The following RUNX2 variants were observed in gnomAD, a reference collection of about 807,000 sequenced individuals.
The protein encoded by RUNX2 is RUNX family transcription factor 2, also known as runt-related transcription factor 2.
Under a neutral mutation model 51.7 loss-of-function variants are expected in RUNX2, and 10 were observed. The ratio of observed to expected loss-of-function variants is 0.19; its 90% CI spans 0.12 to 0.33. The LOEUF (loss-of-function observed/expected upper bound fraction) is 0.33, where lower values mean the gene tolerates loss of function less well. RUNX2 is among the 10% of genes least tolerant of loss of function. The pLI, the probability that RUNX2 is intolerant of heterozygous loss-of-function variation, is 1.00. For synonymous variants in RUNX2, 276 were observed against 273.6 expected (o/e 1.01, Z -0.09); for missense variants, 562 against 691.3 (o/e 0.81, Z 2.10).
chr6:45,405,208 C>T (rs1797806452), intron 2 of RUNX2, among the ~76,000 whole-genome samples: 1 of 152,152 alleles, frequency 6.6e-6, no homozygotes, highest in African/African-American at 2.4e-5. Context: ...ATTTATCTGG[C>T]AATTAAGTGT....
At chr6:45,483,124 G>A (rs1020881277) in intron 5 of RUNX2, among the ~76,000 whole-genome samples, 1 of 152,142 alleles carries the variant, frequency 6.6e-6, no homozygotes, top group Admixed American at 6.5e-5. Flanking sequence ...CTACTCACGA[G>A]CTATCCTGTA....
In RUNX2 at chr6:45,400,244, GAGAC is replaced by G. The variant is rs1797684266; in HGVS notation, c.59-22345_59-22342del. On this transcript the variant is annotated intron_variant, in intron 2 of 8. Transcript: ENST00000647337. ...GAAGGAAGGAAGGAAGGAAGGAGGGGAGACAGAGGGAGGAAGGGAAATTAGAGAG... is the reference window on the plus strand; with the variant it reads ...GAAGGAAGGAAGGAAGGAAGGAGGGGAGAGGGAGGAAGGGAAATTAGAGAG... Among the ~76,000 whole-genome samples the G allele has an allele frequency of 3.3e-5, 5 of 151,674 alleles. No individual in the cohort carries two copies. In the South Asian group the frequency reaches 1.0e-3, roughly 32 times the overall value.
At chr6:45,435,917 G>A (rs1204837078) in intron 4 of RUNX2, among the ~76,000 whole-genome samples, 1 of 152,102 alleles carries the variant, frequency 6.6e-6, no homozygotes, top group Non-Finnish European at 1.5e-5. Flanking sequence ...TTGTTTTGAG[G>A]TTCTAACTTG....
intron 2 of RUNX2, among the ~76,000 whole-genome samples, chr6:45,342,923 C>G (rs1002141758): frequency 6.6e-6 from 1 of 152,064 alleles, no homozygotes. Flanking sequence ...ACAAGGACAG[C>G]AGGGGTTTTG....
chr6:45,438,719 G>C (rs1798760327), intron 5 of RUNX2, among the ~76,000 whole-genome samples: 1 of 152,016 alleles, frequency 6.6e-6, no homozygotes, highest in Admixed American at 6.6e-5. Flanking sequence ...AATCTACTTG[G>C]GCCAATATGT....
In RUNX2 at chr6:45,504,029, C is replaced by CT. The variant is rs907451438; in HGVS notation, c.860-8209dup. Among the ~76,000 whole-genome samples the CT allele has an allele frequency of 6.9e-4, 105 of 152,136 alleles. 1 individual carries two copies. Among genetic ancestry groups the CT allele is most frequent in the Non-Finnish European group, 1.4e-3 (93 of 68,000 alleles). On this transcript the variant is annotated intron_variant, in intron 6 of 8. Coordinates refer to ENST00000647337, the MANE Select transcript of RUNX2 (RefSeq NM_001024630.4). ...GCCTCCAGTTTTAACCAGTTTGCTG[C>CT]TTTTTTTTCTCAGATTTCATTTTTA...
In RUNX2 at chr6:45,482,734, TC is replaced by T. The variant is rs1800150395; in HGVS notation, c.686-9206del. 3.9e-5 allele frequency among the ~76,000 whole-genome samples: 6 copies of T among 152,326 alleles called. No individual in the cohort carries two copies. In the South Asian group the frequency reaches 1.2e-3, roughly 32 times the overall value. Reference sequence around the variant, plus strand: ...GAGTCCCTAGAATATTTCTATGGAGTCTATGGTTTAACCATGTAATTATGTC... The same window carrying T: ...GAGTCCCTAGAATATTTCTATGGAGTTATGGTTTAACCATGTAATTATGTC... On this transcript the variant is annotated intron_variant, in intron 5 of 8. Coordinates refer to ENST00000647337, the MANE Select transcript of RUNX2 (RefSeq NM_001024630.4).
chr6:45,405,957 A>G (rs1427433350), intron 2 of RUNX2, among the ~76,000 whole-genome samples: 1 of 152,148 alleles, frequency 6.6e-6, no homozygotes, highest in Non-Finnish European at 1.5e-5. Flanking sequence ...GGGATATTAT[A>G]TTACCTATTT....
intron 7 of RUNX2, among the ~76,000 whole-genome samples, chr6:45,522,598 G>C (rs542955333): frequency 6.6e-6 from 1 of 152,184 alleles, no homozygotes; most frequent in Non-Finnish European, 1.5e-5. Flanking sequence ...TTCCCAGCTA[G>C]ACTGAAAGCT....
rs142034283 is a variant in RUNX2, at chr6:45,510,889, G to A, written c.860-1357G>A. Among the ~76,000 whole-genome samples, 1,352 of 152,024 alleles carry A rather than the reference G, an allele frequency of 8.9e-3. 17 individuals carry two copies. The highest frequency in any genetic ancestry group is 0.03 in the African/African-American group (1,259 of 41,460). ...CCCTCCTTCCTCACCTTTTACAGAT[G>A]AGGAAACTGAGGCTCAGAGTGACTG... On this transcript the variant is annotated intron_variant, in intron 6 of 8. Coordinates refer to ENST00000647337, the MANE Select transcript of RUNX2 (RefSeq NM_001024630.4).
intron 2 of RUNX2, among the ~76,000 whole-genome samples, chr6:45,333,014 C>T (rs1271286140): frequency 6.6e-6 from 1 of 151,706 alleles, no homozygotes; most frequent in Non-Finnish European, 1.5e-5. Flanking sequence ...ATAAAGATAA[C>T]AATGAACTCC....
intron 7 of RUNX2, among the ~76,000 whole-genome samples, chr6:45,541,914 G>A (rs1802242655): frequency 6.6e-6 from 1 of 152,102 alleles, no homozygotes; most frequent in South Asian, 2.1e-4. Flanking sequence ...ATATTTATTG[G>A]GGGCCTAGTC....
chr6:45,473,935 G>A (rs938434076), intron 5 of RUNX2, among the ~76,000 whole-genome samples: 5 of 152,190 alleles, frequency 3.3e-5, no homozygotes, highest in African/African-American at 9.7e-5. Flanking sequence ...TGGTCACCAG[G>A]TCCTGGAAAG....
chr6:45,373,668 A>G (rs1339908113), intron 2 of RUNX2, among the ~76,000 whole-genome samples: 1 of 152,126 alleles, frequency 6.6e-6, no homozygotes, highest in South Asian at 2.1e-4. Flanking sequence ...CTCCTGCCTC[A>G]GCCTCCTGAG....
intron 4 of RUNX2, among the ~76,000 whole-genome samples, chr6:45,433,741 G>A (rs1308817119): frequency 6.6e-6 from 1 of 151,968 alleles, no homozygotes; most frequent in Non-Finnish European, 1.5e-5. Flanking sequence ...TTACTATATT[G>A]GCTTTCTGAG....
At chr6:45,378,388 CT>C (rs750768009) in intron 2 of RUNX2, among the ~76,000 whole-genome samples, 32 of 152,160 alleles carry the variant, frequency 2.1e-4, no homozygotes, top group Non-Finnish European at 3.8e-4. Context: ...TGAACGGGAT[CT>C]TAATGGGATT....
chr6:45,475,172 T>A (rs1336165676), intron 5 of RUNX2, among the ~76,000 whole-genome samples: 1 of 147,066 alleles, frequency 6.8e-6, no homozygotes, highest in East Asian at 2.0e-4. Context: ...AGATAAGACA[T>A]GGGTATTAAT....
chr6:45,391,151 T>G (rs1752649265), intron 2 of RUNX2, among the ~76,000 whole-genome samples: 1 of 152,208 alleles, frequency 6.6e-6, no homozygotes, highest in African/African-American at 2.4e-5. Flanking sequence ...TGGATGTTTA[T>G]CCACACGAAA....
chr6:45,374,218 T>C (rs986942084), intron 2 of RUNX2, among the ~76,000 whole-genome samples: 7 of 152,148 alleles, frequency 4.6e-5, no homozygotes, highest in Non-Finnish European at 5.9e-5. Flanking sequence ...GTTTACAGAA[T>C]TGGGTCTTAG....
Sources: allele counts gnomAD v4.1 joint callset (sites outside exome capture counted in the v4.1 genomes callset), GRCh38; gene constraint gnomAD v4.1.1; transcripts MANE v1.5; gene names NCBI Gene and HGNC (gene_info 2026-07-23, HGNC 2026-07-21).